Variants in KALRN observed in about 807,000 individuals in gnomAD.
The protein encoded by KALRN is kalirin RhoGEF kinase, also known as kalirin.
KALRN carries 70 observed loss-of-function variants against 353.7 expected under a neutral mutation model. The observed-to-expected ratio is 0.20, with a 90% CI of 0.16 to 0.24. The LOEUF (loss-of-function observed/expected upper bound fraction) is 0.24, where lower values mean the gene tolerates loss of function less well. KALRN is among the 10% of genes least tolerant of loss of function. The probability of loss-of-function intolerance (pLI) is 1.00; values close to 1 mark genes in which losing one functional copy is unlikely to be tolerated. For synonymous variants in KALRN, 1,391 were observed against 1,434.8 expected (o/e 0.97, Z 0.69); for missense variants, 2,791 against 3,756.7 (o/e 0.74, Z 6.72).
chr3:124,345,434 C>T (rs1381625797), intron 9 of KALRN, among the ~76,000 whole-genome samples: 1 of 151,986 alleles, frequency 6.6e-6, no homozygotes, highest in Non-Finnish European at 1.5e-5. Flanking sequence ...GAAGTTTCAC[C>T]GTAAGTAATT....
chr3:124,503,094 T>G (rs569553701), intron 33 of KALRN, among the ~76,000 whole-genome samples: 1 of 152,282 alleles, frequency 6.6e-6, no homozygotes, highest in African/African-American at 2.4e-5. Flanking sequence ...CTAGTATTAC[T>G]CTGCCCTTTG....
rs376933152 is a variant in KALRN at position 124,270,824 on chromosome 3, G to T, written c.969+1569G>T. On this transcript the variant is annotated intron_variant, in intron 5 of 59. Transcript: ENST00000682506. The stretch of plus-strand genomic sequence containing the variant: ...TTTTCTTTGTTTATTTTTTTGTTTT[G>T]TTTTTTTTTTTTTTTTTTTTTTTGA... 3.1e-3 allele frequency among the ~76,000 whole-genome samples: 243 copies of T among 78,552 alleles called. 3 individuals carry two copies. The highest frequency in any genetic ancestry group is 8.5e-3 in the African/African-American group (165 of 19,346). The allele number at this position is 78,552 out of a possible 152,430, so 51.5% of individuals were successfully genotyped here.
chr3:124,043,622 G>T (rs2040161361), intron 1 of KALRN, among the ~76,000 whole-genome samples: 1 of 152,104 alleles, frequency 6.6e-6, no homozygotes. Context: ...CTGGCTGGAA[G>T]ACTCAGAGAC....
intron 5 of KALRN, among the ~76,000 whole-genome samples, chr3:124,290,273 G>A (rs2076311169): frequency 6.6e-6 from 1 of 152,158 alleles, no homozygotes. Context: ...GTCTTGGGGG[G>A]CAGACAGGGT....
chr3:124,183,252 G>A (rs1229522520), intron 1 of KALRN, among the ~76,000 whole-genome samples: 1 of 152,150 alleles, frequency 6.6e-6, no homozygotes, highest in African/African-American at 2.4e-5. Flanking sequence ...TAATTTATAA[G>A]AAAGGAGGTT....
At chr3:124,359,261 T>C (rs780346689) in intron 10 of KALRN, among the ~76,000 whole-genome samples, 16 of 152,150 alleles carry the variant, frequency 1.1e-4, no homozygotes, top group Non-Finnish European at 1.8e-4. Context: ...GACAGCTGGC[T>C]CTGCTCTTTG....
intron 1 of KALRN, 74 bp from the exon 2 acceptor site, chr3:124,227,916 A>G: frequency 8.5e-7 from 1 of 1,170,032 alleles, no homozygotes; most frequent in Non-Finnish European, 1.3e-6. Context: ...GGATTGGGAG[A>G]CTGAGGATGG....
chr3:124,325,891 A>C (rs2079854163), intron 6 of KALRN, 89 bp from the exon 7 acceptor site: 4 of 1,087,266 alleles, frequency 3.7e-6, no homozygotes, highest in Non-Finnish European at 5.4e-6. Flanking sequence ...TGTTTTGGGC[A>C]GCTCCCTTCC....
At chr3:124,220,829 C>T (rs928666700) in intron 1 of KALRN, among the ~76,000 whole-genome samples, 4 of 152,222 alleles carry the variant, frequency 2.6e-5, no homozygotes, top group African/African-American at 9.7e-5. Flanking sequence ...TGCCCCTACC[C>T]CCTATTCTAC....
intron 1 of KALRN, among the ~76,000 whole-genome samples, chr3:124,174,983 T>C (rs1249187099): frequency 3.3e-5 from 5 of 152,218 alleles, no homozygotes; most frequent in Non-Finnish European, 5.9e-5. Context: ...GGACTTTGTG[T>C]TGTCCTTCCA....
At chr3:124,689,200 T>A (rs975815855) in intron 51 of KALRN, among the ~76,000 whole-genome samples, 4 of 152,214 alleles carry the variant, frequency 2.6e-5, no homozygotes, top group African/African-American at 9.6e-5. Flanking sequence ...CTATTTCGTC[T>A]ATGTTTTCTT....
At chr3:124,532,375 C>T (rs1411974972) in intron 33 of KALRN, among the ~76,000 whole-genome samples, 2 of 152,210 alleles carry the variant, frequency 1.3e-5, no homozygotes, top group Non-Finnish European at 2.9e-5. Context: ...ATCTGCAAAC[C>T]TGGGCAAGAA....
intron 50 of KALRN, 95 bp from the exon 51 acceptor site, chr3:124,679,363 C>T (rs1007917398): frequency 2.8e-6 from 3 of 1,052,764 alleles, no homozygotes; most frequent in Non-Finnish European, 4.3e-6. Context: ...TCCCATCGCC[C>T]ATGCTTCTCT....
chr3:124,250,857 T>C (rs1207367078), intron 3 of KALRN, among the ~76,000 whole-genome samples: 2 of 152,166 alleles, frequency 1.3e-5, no homozygotes, highest in Non-Finnish European at 2.9e-5. Context: ...AAGGAAGGGA[T>C]GAACAGCTCT....
chr3:124,073,937 G>C (rs1378613738), intron 1 of KALRN, among the ~76,000 whole-genome samples: 1 of 152,114 alleles, frequency 6.6e-6, no homozygotes, highest in Non-Finnish European at 1.5e-5. Context: ...AAGTTTCAAG[G>C]TCTCATCATG....
chr3:124,270,851 A>T (rs1256149217), intron 5 of KALRN, among the ~76,000 whole-genome samples: 2 of 93,378 alleles, frequency 2.1e-5, no homozygotes. Context: ...TTTTTTTGAG[A>T]CGGAGTCTCG....
chr3:124,307,197 C>T (rs1010979023), intron 6 of KALRN, among the ~76,000 whole-genome samples: 3 of 151,960 alleles, frequency 2.0e-5, no homozygotes, highest in African/African-American at 7.2e-5. Flanking sequence ...GGGCCTATAA[C>T]ATAAAAATGT....
intron 1 of KALRN, among the ~76,000 whole-genome samples, chr3:124,169,857 C>T (rs958698111): frequency 6.6e-6 from 1 of 152,078 alleles, no homozygotes; most frequent in African/African-American, 2.4e-5. Flanking sequence ...TGGAGTAGAA[C>T]TATGGAAATT....
chr3:124,169,629 G>A (rs2071433818), intron 1 of KALRN, among the ~76,000 whole-genome samples: 1 of 152,106 alleles, frequency 6.6e-6, no homozygotes, highest in South Asian at 2.1e-4. Context: ...GTGAAATGTT[G>A]TGCCAATCAA....
Sources: allele counts gnomAD v4.1 joint callset (sites outside exome capture counted in the v4.1 genomes callset), GRCh38; gene constraint gnomAD v4.1.1; transcripts MANE v1.5; gene names NCBI Gene and HGNC (gene_info 2026-07-23, HGNC 2026-07-21).